The following CUX1 variants were observed in gnomAD, a reference collection of about 807,000 sequenced individuals.
The protein encoded by CUX1 is cut like homeobox 1, also known as protein CASP.
CUX1 carries 31 observed loss-of-function variants against 158.8 expected under a neutral mutation model. That is an observed-to-expected ratio of 0.20 (90% confidence interval 0.15 to 0.26). The LOEUF is 0.26. Ranked by LOEUF, CUX1 falls within the 10% of genes least tolerant of loss-of-function variation. CUX1 has a pLI of 1.00. For synonymous variants in CUX1, 879 were observed against 862.1 expected, an observed-to-expected ratio of 1.02 and a Z score of -0.34; for missense variants, 1,589 against 2,014.6, an observed-to-expected ratio of 0.79 and a Z score of 4.04.
intron 15 of CUX1, 70 bp downstream of exon 15, chr7:102,197,375 C>CGTGCGT (rs1258087238): frequency 9.5e-6 from 14 of 1,478,598 alleles, no homozygotes; most frequent in Non-Finnish European, 1.3e-5. Context: ...TGTGTGCATG[C>CGTGCGT]GTGCGTGTGT....
At chr7:102,187,345 A>G (rs1793738122) in intron 11 of CUX1, among the ~76,000 whole-genome samples, 1 of 152,042 alleles carries the variant, frequency 6.6e-6, no homozygotes, top group African/African-American at 2.4e-5. Flanking sequence ...ATAACTTTAA[A>G]AAAAAAAACA....
intron 3 of CUX1, among the ~76,000 whole-genome samples, chr7:102,051,300 G>C (rs376643615): frequency 6.6e-6 from 1 of 151,542 alleles, no homozygotes; most frequent in Non-Finnish European, 1.5e-5. Flanking sequence ...CCCTAAGTTT[G>C]CAAAACACAG....
chr7:102,117,396 G>GGAAAA (rs1554492126), intron 8 of CUX1, among the ~76,000 whole-genome samples: 1 of 14,050 alleles, frequency 7.1e-5, no homozygotes, highest in Non-Finnish European at 1.3e-4. Context: ...AGACTCCATC[G>GGAAAA]CAAAAAAAAA....
At chr7:101,844,755 A>G (rs1167989775) in intron 1 of CUX1, among the ~76,000 whole-genome samples, 3 of 152,052 alleles carry the variant, frequency 2.0e-5, no homozygotes, top group African/African-American at 7.2e-5. Flanking sequence ...AGCTGGGATT[A>G]CAGGCGCCTG....
chr7:101,906,797 G>A (rs896303597), intron 1 of CUX1, among the ~76,000 whole-genome samples: 1 of 152,104 alleles, frequency 6.6e-6, no homozygotes, highest in Non-Finnish European at 1.5e-5. Context: ...ATGGGGTGGT[G>A]GAGTGGGTGG....
At chr7:102,094,557 G>T (rs1554483354) in intron 4 of CUX1, among the ~76,000 whole-genome samples, 2 of 152,200 alleles carry the variant, frequency 1.3e-5, no homozygotes, top group African/African-American at 4.8e-5. Flanking sequence ...ATTCGAAGCA[G>T]ATACAGTGGG....
At chr7:102,176,733 T>C (rs1047189542) in intron 10 of CUX1, among the ~76,000 whole-genome samples, 1 of 151,530 alleles carries the variant, frequency 6.6e-6, no homozygotes, top group South Asian at 2.1e-4. Flanking sequence ...CACAATGCCT[T>C]GCTAATTTTT....
At chr7:102,276,336 C>G (rs1222344041) in intron 17 of CUX1, among the ~76,000 whole-genome samples, 2 of 152,224 alleles carry the variant, frequency 1.3e-5, no homozygotes, top group Non-Finnish European at 2.9e-5. Context: ...GAGTCCCGCT[C>G]TCTTGCCCAG....
intron 3 of CUX1, among the ~76,000 whole-genome samples, chr7:102,039,785 C>T (rs1191122533): frequency 1.3e-5 from 2 of 152,070 alleles, no homozygotes; most frequent in Non-Finnish European, 2.9e-5. Flanking sequence ...TGCATTGTCT[C>T]GTGTACATCC....
At chr7:102,280,730 G>GC in intron 19 of CUX1, 2 of 1,497,820 alleles carry the variant, frequency 1.3e-6, no homozygotes, top group Non-Finnish European at 1.8e-6. Flanking sequence ...GGCTGGCCAG[G>GC]CCCTGCTCTC....
In CUX1 at chr7:101,916,218, C is replaced by T. The variant is rs149191757; in HGVS notation, c.134C>T (p.Thr45Ile). 17 of 1,605,546 alleles carry T rather than the reference C, an allele frequency of 1.1e-5. No homozygotes were observed. Among genetic ancestry groups the T allele is most frequent in the Non-Finnish European group, 1.4e-5 (17 of 1,172,444 alleles). The part of the protein sequence containing the change: ...IEQSREFKKN[T>I]PEDLRKQVAP... ...CAGAGCCGGGAGTTCAAGAAGAACA[C>T]TCCAGAGGTGAGGCGCGTGACCATC... Residue 45 changes from threonine to isoleucine, a missense_variant, in exon 2 of 24, where the codon ACT becomes ATT. By Grantham distance (89) the Thr-to-Ile change is moderately conservative (BLOSUM62 -1). Coordinates refer to ENST00000292535, the MANE Select transcript of CUX1 (RefSeq NM_181552.4). This position sits in a 1 kb window ranked among gnomAD's most constrained non-coding sequence, Gnocchi z 4.4.
intron 1 of CUX1, among the ~76,000 whole-genome samples, chr7:101,853,853 C>T (rs1040449760): frequency 6.6e-6 from 1 of 152,126 alleles, no homozygotes; most frequent in African/African-American, 2.4e-5. Flanking sequence ...CACTCAGCCC[C>T]CTGCCCATGG....
chr7:102,198,767 A>C (rs782717943), intron 15 of CUX1, 35 bp from the exon 16 acceptor site: 13 of 1,589,304 alleles, frequency 8.2e-6, no homozygotes, highest in Non-Finnish European at 1.1e-5. Context: ...CATTCCCCTG[A>C]TTGTTTTGTT....
intron 14 of CUX1, among the ~76,000 whole-genome samples, chr7:102,266,995 G>A (rs1217370268): frequency 2.0e-5 from 3 of 152,148 alleles, no homozygotes; most frequent in South Asian, 2.1e-4. Context: ...GGCAAGAGCC[G>A]GTGCTGCAGG....
chr7:102,065,419 C>T (rs538660480), intron 3 of CUX1, among the ~76,000 whole-genome samples: 6 of 152,074 alleles, frequency 3.9e-5, no homozygotes, highest in Non-Finnish European at 8.8e-5. Flanking sequence ...CACTCTGCTG[C>T]CCAGGCTGGT....
chr7:101,893,158 C>CTTTTTTTTTTTTTTTTTT lies in CUX1; in HGVS notation c.31-22947_31-22930dup, dbSNP rs10589615. On this transcript the variant is annotated intron_variant, in intron 1 of 23. Transcript: ENST00000292535. ...TTCTTTTTACTTTTTATTTTTATTA[C>CTTTTTTTTTTTTTTTTTT]TTTTTTTTTTTTTTTTTTTTTTTTT... 1.5e-4 allele frequency among the ~76,000 whole-genome samples: 10 copies of CTTTTTTTTTTTTTTTTTT among 64,954 alleles called. 2 individuals are homozygous for CTTTTTTTTTTTTTTTTTT. Among genetic ancestry groups the CTTTTTTTTTTTTTTTTTT allele is most frequent in the Non-Finnish European group, 2.2e-4 (8 of 36,624 alleles). 42.6% of individuals were successfully genotyped at this position (64,954 alleles called of 152,430 possible).
intron 1 of CUX1, among the ~76,000 whole-genome samples, chr7:101,853,891 C>T (rs536883048): frequency 2.0e-5 from 3 of 152,330 alleles, no homozygotes; most frequent in Admixed American, 6.5e-5. Context: ...CTTCTGCCCA[C>T]AGTGCAGGAG....
At chr7:101,860,538 GTGTCACCTGC>G (rs997631021) in intron 1 of CUX1, among the ~76,000 whole-genome samples, 2 of 152,196 alleles carry the variant, frequency 1.3e-5, no homozygotes, top group African/African-American at 4.8e-5. Context: ...TAAGTTCAGT[GTGTCACCTGC>G]TGTCACCTGC....
chr7:101,820,813 C>G (rs1310343964), intron 1 of CUX1, among the ~76,000 whole-genome samples: 1 of 152,144 alleles, frequency 6.6e-6, no homozygotes, highest in African/African-American at 2.4e-5. Context: ...TCAAGCAATT[C>G]TGGTATCTAA....
Sources: gnomAD v4.1 joint callset for allele counts (sites outside exome capture counted in the v4.1 genomes callset) on GRCh38, gnomAD v4.1.1 for gene constraint, Gnocchi (gnomAD v3.1) non-coding constraint, MANE v1.5 for transcripts, NCBI Gene and HGNC (gene_info 2026-07-23, HGNC 2026-07-21) for gene names.